Variants in XKR9 observed in about 807,000 individuals in gnomAD.
XKR9 encodes XK related 9.
Under a neutral mutation model 32.0 loss-of-function variants are expected in XKR9, and 32 were observed. The ratio of observed to expected loss-of-function variants is 1.00; its 90% CI spans 0.76 to 1.34. The LOEUF is 1.34. Ranked by LOEUF, XKR9 falls within the 40% of genes most tolerant of loss-of-function variation. The pLI, the probability that XKR9 is intolerant of heterozygous loss-of-function variation, is 0.00. For missense variants in XKR9, 546 were observed against 429.7 expected (o/e 1.27, Z -2.39); for synonymous variants, 168 against 143.4 (o/e 1.17, Z -1.22).
the XKR9 span, among the ~76,000 whole-genome samples, chr8:71,038,287 T>TTCTC: frequency 1.1e-4 from 16 of 148,698 alleles, no homozygotes; most frequent in Admixed American, 5.4e-4. Flanking sequence ...TTCTTTTCTT[T>TTCTC]TCTCTCTCTC....
At chr8:70,749,821 T>A (rs1468653845) in intron 2 of XKR9, among the ~76,000 whole-genome samples, 1 of 152,236 alleles carries the variant, frequency 6.6e-6, no homozygotes, top group African/African-American at 2.4e-5. Flanking sequence ...ACTGTGACTA[T>A]AAGACAAGTA....
At chr8:70,782,701 C>T (rs1418643282) in intron 2 of XKR9, among the ~76,000 whole-genome samples, 1 of 152,040 alleles carries the variant, frequency 6.6e-6, no homozygotes, top group East Asian at 1.9e-4. Flanking sequence ...TGGCTTATTT[C>T]ACTTAGGATA....
intron 2 of XKR9, among the ~76,000 whole-genome samples, chr8:70,783,696 A>G (rs1172507371): frequency 6.6e-6 from 1 of 152,092 alleles, no homozygotes; most frequent in Non-Finnish European, 1.5e-5. Context: ...TGCTGTGCAG[A>G]AGCTTTTTGG....
At chr8:70,779,127 A>G (rs1429356537) in intron 2 of XKR9, among the ~76,000 whole-genome samples, 1 of 152,170 alleles carries the variant, frequency 6.6e-6, no homozygotes, top group Non-Finnish European at 1.5e-5. Context: ...TGTTCCATCA[A>G]TACCTAGTTT....
chr8:70,736,689 T>A (rs1806869192), downstream of XKR9, among the ~76,000 whole-genome samples: 1 of 152,120 alleles, frequency 6.6e-6, no homozygotes, highest in African/African-American at 2.4e-5. Flanking sequence ...TACATATGGC[T>A]AGCCAGTTTT....
At chr8:70,755,045 A>G (rs1275783861) in intron 2 of XKR9, among the ~76,000 whole-genome samples, 1 of 152,190 alleles carries the variant, frequency 6.6e-6, no homozygotes, top group East Asian at 1.9e-4. Flanking sequence ...AGAATCTACA[A>G]TGAACTCAAA....
At chr8:70,995,763 G>A in the XKR9 span, among the ~76,000 whole-genome samples, 1 of 152,030 alleles carries the variant, frequency 6.6e-6, no homozygotes, top group Admixed American at 6.6e-5. Flanking sequence ...TGATCCTCCT[G>A]CCCCAGTCTC....
At chr8:70,708,245 C>G (rs1805789366) in intron 4 of XKR9, among the ~76,000 whole-genome samples, 1 of 151,936 alleles carries the variant, frequency 6.6e-6, no homozygotes, top group Non-Finnish European at 1.5e-5. Flanking sequence ...TTACATAGTT[C>G]TGAAACTAGA....
At chr8:70,985,548 T>C in the XKR9 span, among the ~76,000 whole-genome samples, 8 of 152,192 alleles carry the variant, frequency 5.3e-5, no homozygotes, top group African/African-American at 1.9e-4. Flanking sequence ...AAATGGACAA[T>C]CTTTGTACAT....
intron 2 of XKR9, among the ~76,000 whole-genome samples, chr8:70,748,334 G>T (rs769033065): frequency 4.6e-5 from 7 of 152,228 alleles, no homozygotes; most frequent in Non-Finnish European, 1.0e-4. Context: ...AGGGGCCCAG[G>T]AAGCCCCCTT....
At chr8:70,810,760 C>T in the XKR9 span, among the ~76,000 whole-genome samples, 1 of 152,194 alleles carries the variant, frequency 6.6e-6, no homozygotes, top group African/African-American at 2.4e-5. Flanking sequence ...TATATGTGCA[C>T]ACAATACAGG....
chr8:70,730,787 C>T (rs1239974550), intron 4 of XKR9, among the ~76,000 whole-genome samples: 1 of 152,204 alleles, frequency 6.6e-6, no homozygotes. Flanking sequence ...AGCTACTGAG[C>T]TACACAGCAT....
chr8:70,681,364 T>G, intron 3 of XKR9, 34 bp downstream of exon 3: 4 of 1,571,966 alleles, frequency 2.5e-6, no homozygotes, highest in Non-Finnish European at 3.4e-6. Flanking sequence ...ACCACTGTTT[T>G]TCTTTTTCCA....
At chr8:70,920,338 A>G in the XKR9 span, among the ~76,000 whole-genome samples, 1 of 152,214 alleles carries the variant, frequency 6.6e-6, no homozygotes, top group Non-Finnish European at 1.5e-5. Context: ...GTGAAGTATG[A>G]GATTTACTGA....
the XKR9 span, among the ~76,000 whole-genome samples, chr8:70,980,801 C>T: frequency 6.6e-6 from 1 of 152,150 alleles, no homozygotes; most frequent in Non-Finnish European, 1.5e-5. Context: ...AGATTTAGAG[C>T]TCCTTTTAAC....
At chr8:70,877,185 G>T in the XKR9 span, among the ~76,000 whole-genome samples, 5 of 152,088 alleles carry the variant, frequency 3.3e-5, no homozygotes, top group African/African-American at 7.2e-5. Flanking sequence ...GATCTCATGA[G>T]AACTCATTCA....
At chr8:70,786,267 T>G (rs1334860016) in intron 2 of XKR9, among the ~76,000 whole-genome samples, 1 of 152,176 alleles carries the variant, frequency 6.6e-6, no homozygotes, top group East Asian at 1.9e-4. Flanking sequence ...GGATGGAATA[T>G]TCTATGTATG....
At chr8:70,722,483 G>A (rs1020034389) in intron 4 of XKR9, among the ~76,000 whole-genome samples, 6 of 152,144 alleles carry the variant, frequency 3.9e-5, no homozygotes, top group African/African-American at 1.4e-4. Flanking sequence ...CTCTTGTAAG[G>A]TATGCCTGGT....
At chr8:70,781,611 C>G (rs986088088) in intron 2 of XKR9, among the ~76,000 whole-genome samples, 1 of 146,232 alleles carries the variant, frequency 6.8e-6, no homozygotes, top group Non-Finnish European at 1.5e-5. Flanking sequence ...TATTTTTTGT[C>G]TTTTTGATAA....
Sources: allele counts gnomAD v4.1 joint callset (sites outside exome capture counted in the v4.1 genomes callset), GRCh38; gene constraint gnomAD v4.1.1; transcripts MANE v1.5; gene names NCBI Gene and HGNC (gene_info 2026-07-23, HGNC 2026-07-21).